Variants in C8orf34 observed in about 807,000 individuals in gnomAD.
The protein encoded by C8orf34 is uncharacterized protein C8orf34.
In C8orf34, 65 loss-of-function variants were observed where a neutral mutation model predicts 68.3. The observed-to-expected ratio is 0.95, with a 90% CI of 0.78 to 1.17. The LOEUF is 1.17. Among genes scored for constraint, C8orf34 ranks in the 50% most tolerant of loss-of-function variants. The pLI is 0.00. For missense variants in C8orf34, 664 were observed against 655.4 expected, an observed-to-expected ratio of 1.01 and a Z score of -0.14; for synonymous variants, 244 against 241.2, an observed-to-expected ratio of 1.01 and a Z score of -0.11.
intron 7 of C8orf34, among the ~76,000 whole-genome samples, chr8:68,540,433 GA>G (rs1380482182): frequency 1.3e-5 from 2 of 151,578 alleles, no homozygotes; most frequent in South Asian, 4.2e-4. Flanking sequence ...ACTTTTTCAA[GA>G]ATTGTCAAAA....
chr8:68,418,653 AC>A (rs1809792037), intron 1 of C8orf34, among the ~76,000 whole-genome samples: 1 of 152,218 alleles, frequency 6.6e-6, no homozygotes, highest in Admixed American at 6.5e-5. Flanking sequence ...ACGGAACAGA[AC>A]AGAGCCCTCA....
rs900343797 is a variant in C8orf34, at chr8:68,702,803, A to G, written c.1242-6191A>G. On this transcript the variant is annotated intron_variant, in intron 8 of 13. Coordinates refer to ENST00000518698, the MANE Select transcript of C8orf34 (RefSeq NM_052958.4). ...ATTGGGTGTTTTGGTTTTTTAAAGT[A>G]TAAAAAATAGCACAAATCACCATCC... Among the ~76,000 whole-genome samples the G allele has an allele frequency of 2.0e-5, 3 of 152,294 alleles. No homozygotes were observed. In the East Asian group the frequency reaches 5.8e-4, roughly 29 times the overall value.
chr8:68,611,306 T>C (rs1044247249), intron 7 of C8orf34, among the ~76,000 whole-genome samples: 4 of 152,170 alleles, frequency 2.6e-5, no homozygotes, highest in Non-Finnish European at 4.4e-5. Flanking sequence ...ACATGAAACA[T>C]AGGACTGACT....
chr8:68,419,555 A>G (rs1315948643), intron 1 of C8orf34, among the ~76,000 whole-genome samples: 2 of 151,950 alleles, frequency 1.3e-5, no homozygotes, highest in African/African-American at 2.4e-5. Context: ...ATTATTCACA[A>G]TAGCAAAGAC....
chr8:68,561,936 C>A (rs1181157344), intron 7 of C8orf34, among the ~76,000 whole-genome samples: 1 of 152,108 alleles, frequency 6.6e-6, no homozygotes, highest in Non-Finnish European at 1.5e-5. Context: ...GATAACAATG[C>A]CTTCTTTTGG....
chr8:68,751,301 A>C (rs552111694), intron 10 of C8orf34, among the ~76,000 whole-genome samples: 44 of 152,318 alleles, frequency 2.9e-4, no homozygotes, highest in Middle Eastern at 3.4e-3. Context: ...AAGAACGCAG[A>C]GCTTGTAATT....
chr8:68,802,986 C>A (rs575643929), intron 12 of C8orf34, among the ~76,000 whole-genome samples: 1 of 151,836 alleles, frequency 6.6e-6, no homozygotes, highest in Non-Finnish European at 1.5e-5. Context: ...TCTGAGTAGT[C>A]GTATATCTAT....
intron 7 of C8orf34, among the ~76,000 whole-genome samples, chr8:68,614,035 G>A (rs370537023): frequency 6.6e-6 from 1 of 152,188 alleles, no homozygotes; most frequent in African/African-American, 2.4e-5. Context: ...TTTCTCTGAT[G>A]GCCAGTGATG....
At chr8:68,801,973 T>C (rs1007049411) in intron 12 of C8orf34, among the ~76,000 whole-genome samples, 1 of 152,098 alleles carries the variant, frequency 6.6e-6, no homozygotes, top group African/African-American at 2.4e-5. Context: ...CCTGAGATCA[T>C]CTATACAATC....
At chr8:68,375,785 G>A (rs899079456) in intron 1 of C8orf34, among the ~76,000 whole-genome samples, 13 of 152,208 alleles carry the variant, frequency 8.5e-5, no homozygotes, top group African/African-American at 2.4e-4. Flanking sequence ...GTACTTATAT[G>A]CCTAGAACTG....
At chr8:68,641,202 G>A (rs1299248429) in intron 8 of C8orf34, among the ~76,000 whole-genome samples, 2 of 152,152 alleles carry the variant, frequency 1.3e-5, no homozygotes, top group African/African-American at 4.8e-5. Flanking sequence ...TGTACTGGCT[G>A]GCCAATTTTA....
At chr8:68,506,272 A>G (rs1359493742) in intron 5 of C8orf34, among the ~76,000 whole-genome samples, 2 of 152,170 alleles carry the variant, frequency 1.3e-5, no homozygotes, top group Admixed American at 6.5e-5. Flanking sequence ...ACTCCCACCA[A>G]CAGTTCATAA....
chr8:68,554,844 CT>C (rs1289765105), intron 7 of C8orf34, among the ~76,000 whole-genome samples: 1 of 152,018 alleles, frequency 6.6e-6, no homozygotes, highest in African/African-American at 2.4e-5. Flanking sequence ...ACCCACATAT[CT>C]TTTTTAAAAA....
intron 1 of C8orf34, among the ~76,000 whole-genome samples, chr8:68,361,185 T>C (rs1266708259): frequency 6.6e-6 from 1 of 152,124 alleles, no homozygotes; most frequent in Non-Finnish European, 1.5e-5. Context: ...GGGAAGAAGG[T>C]TTCGGTAGAA....
At chr8:68,807,017 CA>C (rs1824508389) in intron 12 of C8orf34, among the ~76,000 whole-genome samples, 1 of 152,166 alleles carries the variant, frequency 6.6e-6, no homozygotes, top group Non-Finnish European at 1.5e-5. Context: ...GGCTGCAGGC[CA>C]AAGACCTTGA....
chr8:68,618,814 T>A (rs919712951), intron 7 of C8orf34, among the ~76,000 whole-genome samples: 1 of 152,224 alleles, frequency 6.6e-6, no homozygotes, highest in African/African-American at 2.4e-5. Context: ...CAGATGGTCC[T>A]CACATTTGTG....
intron 1 of C8orf34, among the ~76,000 whole-genome samples, chr8:68,375,052 T>A (rs890262769): frequency 1.3e-5 from 2 of 152,194 alleles, no homozygotes; most frequent in African/African-American, 4.8e-5. Context: ...TTAATAATAT[T>A]CTCTGAGATG....
intron 8 of C8orf34, among the ~76,000 whole-genome samples, chr8:68,644,350 T>G (rs1819102944): frequency 1.3e-5 from 2 of 152,158 alleles, no homozygotes; most frequent in South Asian, 4.1e-4. Flanking sequence ...CTGGGCATGG[T>G]GTCAATTCCT....
At chr8:68,396,712 CAAAAA>C (rs56946858) in intron 1 of C8orf34, among the ~76,000 whole-genome samples, 1 of 18,692 alleles carries the variant, frequency 5.3e-5, no homozygotes, top group African/African-American at 1.8e-4. Context: ...AGCTGCTTGT[CAAAAA>C]AAAAAAAAAA....
Sources: gnomAD v4.1 joint callset for allele counts (sites outside exome capture counted in the v4.1 genomes callset) on GRCh38, gnomAD v4.1.1 for gene constraint, MANE v1.5 for transcripts, NCBI Gene and HGNC (gene_info 2026-07-23, HGNC 2026-07-21) for gene names.